TAFA1: variants seen among roughly 807,000 people sequenced by gnomAD.
TAFA1 encodes chemokine-like protein TAFA-1.
TAFA1 carries 4 observed loss-of-function variants against 18.5 expected under a neutral mutation model. The ratio of observed to expected loss-of-function variants is 0.22; its 90% CI spans 0.11 to 0.49. The LOEUF is 0.49. Among genes scored for constraint, TAFA1 ranks in the 20% least tolerant of loss-of-function variants. The pLI is 0.98. For missense variants in TAFA1, 147 were observed against 169.0 expected (o/e 0.87, Z 0.72); for synonymous variants, 56 against 55.2 (o/e 1.01, Z -0.06).
At chr3:68,077,207 AG>A (rs2064835970) in intron 2 of TAFA1, among the ~76,000 whole-genome samples, 1 of 148,834 alleles carries the variant, frequency 6.7e-6, no homozygotes, top group Non-Finnish European at 1.5e-5. Flanking sequence ...TCTCGATATT[AG>A]CCCTTTGTCA....
chr3:68,093,901 T>A lies in TAFA1; in HGVS notation c.118+87157T>A, dbSNP rs533449786. Among the ~76,000 whole-genome samples the A allele has an allele frequency of 3.9e-5, 6 of 152,236 alleles. 1 individual carries two copies. In the South Asian group the frequency reaches 1.2e-3, roughly 32 times the overall value. On this transcript the variant is annotated intron_variant, in intron 2 of 4. Coordinates refer to ENST00000478136, the MANE Select transcript of TAFA1 (RefSeq NM_213609.4). ...TCTACCCATGGCATATAGAAAAACC[T>A]CATAGATCTAGTCACCAGGCCTGTC... is the stretch of plus-strand genomic sequence containing the variant.
chr3:67,993,746 A>G, the TAFA1 span, among the ~76,000 whole-genome samples: 3 of 152,180 alleles, frequency 2.0e-5, no homozygotes, highest in Admixed American at 2.0e-4. Context: ...AGAAAATCTG[A>G]TGAAATTATA....
At chr3:68,068,617 G>A (rs1222028480) in intron 2 of TAFA1, among the ~76,000 whole-genome samples, 2 of 152,130 alleles carry the variant, frequency 1.3e-5, no homozygotes, top group South Asian at 2.1e-4. Flanking sequence ...AGACAAACCC[G>A]AGAGAACATG....
intron 3 of TAFA1, among the ~76,000 whole-genome samples, chr3:68,450,508 T>G (rs900180252): frequency 6.6e-6 from 1 of 152,192 alleles, no homozygotes; most frequent in Non-Finnish European, 1.5e-5. Context: ...GGCTCAAGAA[T>G]GGCTCATGGG....
intron 3 of TAFA1, among the ~76,000 whole-genome samples, chr3:68,475,563 T>C (rs1337620796): frequency 1.3e-5 from 2 of 152,262 alleles, no homozygotes; most frequent in African/African-American, 4.8e-5. Flanking sequence ...CTATCATTGT[T>C]GGACATTTGG....
chr3:68,414,955 G>C (rs1420695250), intron 2 of TAFA1, among the ~76,000 whole-genome samples: 1 of 152,174 alleles, frequency 6.6e-6, no homozygotes, highest in African/African-American at 2.4e-5. Flanking sequence ...TGTCGAACTA[G>C]CTGTTACTGA....
In TAFA1 at chr3:68,010,295, A is replaced by G. The variant is rs191491640; in HGVS notation, c.118+3551A>G. Among the ~76,000 whole-genome samples, 35 of 152,310 alleles carry G rather than the reference A, an allele frequency of 2.3e-4. No individual in the cohort carries two copies. The East Asian group carries it at 6.6e-3, about 29-fold the overall frequency. On this transcript the variant is annotated intron_variant, in intron 2 of 4. Transcript: ENST00000478136. ...ATGGTAATATTGATGGTATTCAGAC[A>G]GCAAACAGCCAATTTCAGTCTCTCA...
At chr3:68,159,360 G>A (rs149866972) in intron 2 of TAFA1, among the ~76,000 whole-genome samples, 1,652 of 152,094 alleles carry the variant, frequency 0.011, 17 homozygotes, top group Non-Finnish European at 0.014. Flanking sequence ...TGTGCTCCTT[G>A]AAAAAAATAG....
intron 2 of TAFA1, among the ~76,000 whole-genome samples, chr3:68,260,848 A>G (rs2067404256): frequency 6.6e-6 from 1 of 152,168 alleles, no homozygotes; most frequent in Non-Finnish European, 1.5e-5. Flanking sequence ...ACCATTCAGG[A>G]CATAGGCATG....
chr3:68,395,592 G>A (rs2070363693), intron 2 of TAFA1, among the ~76,000 whole-genome samples: 1 of 152,154 alleles, frequency 6.6e-6, no homozygotes, highest in African/African-American at 2.4e-5. Flanking sequence ...TAAAGAAAAT[G>A]TGGCACATAT....
intron 2 of TAFA1, among the ~76,000 whole-genome samples, chr3:68,163,779 T>C (rs1447257493): frequency 6.6e-6 from 1 of 152,184 alleles, no homozygotes; most frequent in Non-Finnish European, 1.5e-5. Context: ...TAAAGAGACT[T>C]AATTTTTAAC....
chr3:68,250,335 A>G (rs1491725), intron 2 of TAFA1, among the ~76,000 whole-genome samples: 29,595 of 152,174 alleles, frequency 0.19, 3,257 homozygotes, highest in East Asian at 0.52. Context: ...CTTATAGCGT[A>G]AGATTATAGA....
chr3:68,391,040 G>A (rs2070229779), intron 2 of TAFA1, among the ~76,000 whole-genome samples: 1 of 152,142 alleles, frequency 6.6e-6, no homozygotes, highest in African/African-American at 2.4e-5. Context: ...GGCTTCAGAA[G>A]GTGGGTAATA....
intron 2 of TAFA1, among the ~76,000 whole-genome samples, chr3:68,189,492 C>T (rs934893511): frequency 6.6e-6 from 1 of 151,800 alleles, no homozygotes; most frequent in East Asian, 2.0e-4. Context: ...AATATGCCTG[C>T]CCTCTCAGAG....
At chr3:68,119,234 G>A (rs2065359243) in intron 2 of TAFA1, among the ~76,000 whole-genome samples, 1 of 151,986 alleles carries the variant, frequency 6.6e-6, no homozygotes, top group Non-Finnish European at 1.5e-5. Context: ...GTTTGGTTTT[G>A]TTGTTGCTGT....
At chr3:68,366,581 C>T (rs936973649) in intron 2 of TAFA1, among the ~76,000 whole-genome samples, 2 of 149,182 alleles carry the variant, frequency 1.3e-5, no homozygotes, top group Non-Finnish European at 3.0e-5. Context: ...TGGATACAAA[C>T]GTATTATCAT....
intron 2 of TAFA1, among the ~76,000 whole-genome samples, chr3:68,037,471 T>C (rs1175546681): frequency 2.6e-5 from 4 of 152,082 alleles, no homozygotes; most frequent in African/African-American, 4.8e-5. Context: ...AGTTACCTTC[T>C]TGTTGCTGCT....
intron 3 of TAFA1, among the ~76,000 whole-genome samples, chr3:68,471,932 A>C (rs1409898381): frequency 6.6e-6 from 1 of 152,196 alleles, no homozygotes; most frequent in Non-Finnish European, 1.5e-5. Flanking sequence ...TTTTGATTTT[A>C]CAGCCTCATA....
chr3:68,324,674 G>A (rs1413379494), intron 2 of TAFA1, among the ~76,000 whole-genome samples: 1 of 152,132 alleles, frequency 6.6e-6, no homozygotes, highest in African/African-American at 2.4e-5. Context: ...TAGTATTTGG[G>A]AGGCTAAGAA....
Sources: gnomAD v4.1 joint callset for allele counts (sites outside exome capture counted in the v4.1 genomes callset) on GRCh38, gnomAD v4.1.1 for gene constraint, MANE v1.5 for transcripts, NCBI Gene and HGNC (gene_info 2026-07-23, HGNC 2026-07-21) for gene names.